SPTBN2: variants seen among roughly 807,000 people sequenced by gnomAD.
The protein encoded by SPTBN2 is spectrin beta, non-erythrocytic 2.
In SPTBN2, 107 loss-of-function variants were observed where a neutral mutation model predicts 284.2. That is an observed-to-expected ratio of 0.38 (90% CI 0.32 to 0.44). The LOEUF (loss-of-function observed/expected upper bound fraction) is 0.44, where lower values mean the gene tolerates loss of function less well. Among genes scored for constraint, SPTBN2 ranks in the 20% least tolerant of loss-of-function variants. The pLI is 1.00. For synonymous variants in SPTBN2, 1,289 were observed against 1,354.8 expected (o/e 0.95, Z 1.07); for missense variants, 2,569 against 3,287.1 (o/e 0.78, Z 5.34).
rs367688237 is a variant in SPTBN2, at chr11:66,689,086, G to C, written c.6034+10C>G. The C allele has an allele frequency of 1.5e-5, 24 of 1,602,792 alleles. No homozygotes were observed. The Admixed American group carries it at 2.5e-4, about 17-fold the overall frequency. On this transcript the variant is annotated intron_variant, in intron 30 of 37. Coordinates refer to ENST00000533211, the MANE Select transcript of SPTBN2 (RefSeq NM_006946.4). ...TCCCCACAGGGCCTGGGGCCCCCTT[G>C]GCAGCTCACCCAGCTGAAGCCAGTC... is the stretch of plus-strand genomic sequence containing the variant.
Position 66,707,818 on chromosome 11 carries a change from C to A in SPTBN2, c.1351G>T (p.Asp451Tyr), listed in dbSNP as rs766063073. The change falls in exon 13 of 38, where the codon GAC becomes TAC. Residue 451 changes from aspartate to tyrosine, a missense_variant and splice_region_variant. Transcript: ENST00000533211. This position sits in a 1 kb window ranked among gnomAD's most constrained non-coding sequence, Gnocchi z 4.9. ...LSENQRLVSQ[D>Y]NFGLELAAVE... ...GCTGCCAGCTCCAGCCCAAAGTTGT[C>A]CTGTGTCGGGGGCAGGGAGAGGAGG... is the stretch of plus-strand genomic sequence containing the variant. 6.2e-7 allele frequency: 1 copy of A among 1,608,580 alleles called. No individual in the cohort carries two copies. Among genetic ancestry groups the A allele is most frequent in the Non-Finnish European group, 8.5e-7 (1 of 1,179,900 alleles).
rs144914160 is a variant in SPTBN2, at chr11:66,686,860, T to C, written c.6896+134A>G. 8.6e-4 allele frequency: 1,028 copies of C among 1,194,644 alleles called. 1 individual carries two copies. Among genetic ancestry groups the C allele is most frequent in the Non-Finnish European group, 1.2e-3 (951 of 817,264 alleles). The allele number at this position is 1,194,644 out of a possible 1,614,324, so 74.0% of individuals were successfully genotyped here. ...ATCTCCGCCTCCCTCATCTACACTA[T>C]CCCCAAGTGGCTGGCCTGGTTACTC... On this transcript the variant is annotated intron_variant, in intron 36 of 37. Transcript: ENST00000533211.
intron 21 of SPTBN2, among the ~76,000 whole-genome samples, chr11:66,695,418 C>T (rs1940850085): frequency 6.6e-6 from 1 of 152,120 alleles, no homozygotes; most frequent in South Asian, 2.1e-4. Context: ...ACCACCACGC[C>T]CAGCTAATTT....
Position 66,708,781 on chromosome 11 carries a change from G to C in SPTBN2, c.1191+121C>G. 9.9e-6 allele frequency: 8 copies of C among 804,664 alleles called. No homozygotes were observed. In the South Asian group the frequency reaches 1.2e-4, roughly 12 times the overall value. 49.8% of individuals were successfully genotyped at this position (804,664 alleles called of 1,614,324 possible). A position where few individuals can be genotyped will look rare whatever the true frequency, so the allele number is the denominator to read the frequency against. ...GCTGGGCAGAGTGCTCGAGTTTCAA[G>C]TTGGGGCAGCAGATAGTAGAACTTG... On this transcript the variant is annotated intron_variant, in intron 11 of 37. Coordinates refer to ENST00000533211, the MANE Select transcript of SPTBN2 (RefSeq NM_006946.4). The surrounding 1 kb of genome is among the most constrained non-coding windows in gnomAD (Gnocchi z 4.4).
At chr11:66,721,320 C>A in intron 2 of SPTBN2, 30 bp downstream of exon 2, 2 of 1,574,002 alleles carry the variant, frequency 1.3e-6, no homozygotes, top group Non-Finnish European at 1.7e-6. Flanking sequence ...CCTCCACTCA[C>A]CACCGGGGCC....
At chr11:66,688,374 G>T in intron 31 of SPTBN2, 63 bp from the exon 32 acceptor site, 1 of 1,547,148 alleles carries the variant, frequency 6.5e-7, no homozygotes, top group Middle Eastern at 2.0e-4. Context: ...GGGAAACAGG[G>T]AGAGCTGAAA....
rs1308458908 is a variant in SPTBN2, at chr11:66,691,598, C to T, written c.5251G>A (p.Val1751Ile). The stretch of plus-strand genomic sequence containing the variant: ...TTGGCCAGCGCATTGGCGCTATCTA[C>T]GCGCTCCTGACCGATGGTGCTTGTG... ...RDTSTIGQER[V>I]DSANALANGL... Residue 1751 changes from valine (V) to isoleucine (I), a missense_variant, in exon 27 of 38, where the codon GTA (valine) becomes ATA (isoleucine). Physicochemically the swap from Val to Ile is conservative, Grantham distance 29. Coordinates refer to ENST00000533211, the MANE Select transcript of SPTBN2 (RefSeq NM_006946.4). This position sits in a 1 kb window ranked among gnomAD's most constrained non-coding sequence, Gnocchi z 8.0. 13 of 1,613,790 alleles carry T rather than the reference C, an allele frequency of 8.1e-6. No individual in the cohort carries two copies. The highest frequency in any genetic ancestry group is 5.5e-5 in the South Asian group (5 of 91,086).
chr11:66,713,506 A>G (rs1458521292), intron 8 of SPTBN2, 125 bp downstream of exon 8: 5 of 784,314 alleles, frequency 6.4e-6, no homozygotes, highest in Non-Finnish European at 2.3e-6. Flanking sequence ...CTCTTCCCCC[A>G]CCAAAGAAGC....
rs767617743 is a variant in SPTBN2, at chr11:66,693,807, G to A, written c.4558C>T (p.Leu1520=). 5 of 1,613,916 alleles carry A rather than the reference G, an allele frequency of 3.1e-6. No homozygotes were observed. The highest frequency in any genetic ancestry group is 2.2e-5 in the East Asian group (1 of 44,872). ...TTCATGAGAAGCTGGACGCTGGGCA[G>A]GTCCTTGCCATGCTCCATGGAGCTG... is the stretch of plus-strand genomic sequence containing the variant. ...MASSMEHGKD[L]PSVQLLMKKN... is the part of the protein sequence containing the mutation. The change falls in exon 23 of 38, where the codon CTG becomes TTG. Residue 1520 remains leucine (L), a synonymous_variant. Coordinates refer to ENST00000533211, the MANE Select transcript of SPTBN2 (RefSeq NM_006946.4). This position sits in a 1 kb window ranked among gnomAD's most constrained non-coding sequence, Gnocchi z 5.7.
chr11:66,701,001 G>T lies in SPTBN2; in HGVS notation c.3098C>A (p.Ala1033Glu). ...TCTCAGCCGGGCGTTGATGGCCACT[G>T]CCTGAGCGGGATGGCCGGCAGCCAG... ...NALAAGHPAQ[A>E]VAINARLREV... The change falls in exon 17 of 38, where the codon GCA (alanine) becomes GAA (glutamate). Residue 1033 changes from alanine (A) to glutamate (E), a missense_variant. Around this residue, in one of 6 missense-constraint regions of SPTBN2, gnomAD observed 1,012 missense variants for 1,248.9 expected, o/e 0.81. Coordinates refer to ENST00000533211, the MANE Select transcript of SPTBN2 (RefSeq NM_006946.4). 1.2e-6 allele frequency: 2 copies of T among 1,607,710 alleles called. No homozygotes were observed. Among genetic ancestry groups the T allele is most frequent in the Non-Finnish European group, 8.5e-7 (1 of 1,179,816 alleles).
rs755843338 is a variant in SPTBN2, at chr11:66,701,287, G to A, written c.2817-5C>T. 3.1e-6 allele frequency: 5 copies of A among 1,611,522 alleles called. No homozygotes were observed. The East Asian group carries it at 8.9e-5, about 29-fold the overall frequency. On this transcript the variant is annotated splice_region_variant and splice_polypyrimidine_tract_variant and intron_variant, in intron 16 of 37. Coordinates refer to ENST00000533211, the MANE Select transcript of SPTBN2 (RefSeq NM_006946.4). ...AGACGCCGAAACTGCTGCCACCTGA[G>A]AGCAGGGGGAAGGTTCAGCTTCCTG...
chr11:66,701,467 C>G (rs1941243810), intron 16 of SPTBN2, 117 bp downstream of exon 16: 1 of 1,571,640 alleles, frequency 6.4e-7, no homozygotes, highest in Non-Finnish European at 8.7e-7. Flanking sequence ...ATATTCCAGA[C>G]TGGTTTGCTT....
At position 66,714,438 on chromosome 11, in the gene SPTBN2, C is replaced by T. The variant is rs980546180; in HGVS notation, c.484-31G>A. Reference sequence around the variant, plus strand: ...AAGGAAGCAAGCAGGGCCCTCAGTCCCTGGACAGGAACTCCTGGTGTTATC... The same window carrying T: ...AAGGAAGCAAGCAGGGCCCTCAGTCTCTGGACAGGAACTCCTGGTGTTATC... On this transcript the variant is annotated intron_variant, in intron 5 of 37. Transcript: ENST00000533211. 3 of 1,572,104 alleles carry T rather than the reference C, an allele frequency of 1.9e-6. No homozygotes were observed. The East Asian group carries it at 6.7e-5, about 35-fold the overall frequency.
At chr11:66,742,865 C>T (rs553948498) in intron 1 of SPTBN2, among the ~76,000 whole-genome samples, 1 of 152,320 alleles carries the variant, frequency 6.6e-6, no homozygotes, top group South Asian at 2.1e-4. Context: ...CCACCTGGGC[C>T]TCCCAAAGTG....
At chr11:66,698,552 C>T in intron 20 of SPTBN2, 87 bp downstream of exon 20, 1 of 1,601,904 alleles carries the variant, frequency 6.2e-7, no homozygotes, top group East Asian at 2.2e-5. Context: ...CAATCTCTAA[C>T]CATGACAAAA....
Position 66,708,929 on chromosome 11 carries a change from C to A in SPTBN2, c.1164G>T (p.Glu388Asp). ...TGTTGATGTCCGAGATGAGCCGGCC[C>A]TCGCGGGGCGTGTAGACCTTCTGGT... ...ANNQKVYTPR[E>D]GRLISDINKA... The change falls in exon 11 of 38, where the codon GAG becomes GAT. Residue 388 changes from glutamate (E) to aspartate (D), a missense_variant. Physicochemically the swap from Glu to Asp is conservative, Grantham distance 45. This residue lies in a region of SPTBN2 where 304 missense variants were observed against 522.1 expected (regional missense o/e 0.58). Coordinates refer to ENST00000533211, the MANE Select transcript of SPTBN2 (RefSeq NM_006946.4). The surrounding 1 kb of genome is among the most constrained non-coding windows in gnomAD (Gnocchi z 4.4). 6.2e-7 allele frequency: 1 copy of A among 1,614,072 alleles called. No homozygotes were observed. The highest frequency in any genetic ancestry group is 1.1e-5 in the South Asian group (1 of 91,080).
chr11:66,686,366 A>G (rs1467047416), intron 37 of SPTBN2, 32 bp downstream of exon 37: 3 of 1,613,978 alleles, frequency 1.9e-6, no homozygotes, highest in Non-Finnish European at 2.5e-6. Flanking sequence ...CTGGAATGGC[A>G]CGGACAGAGA....
In SPTBN2 at chr11:66,691,182, C is replaced by T; in HGVS notation, c.5565+102G>A. On this transcript the variant is annotated intron_variant, in intron 27 of 37. Transcript: ENST00000533211. The surrounding 1 kb of genome is among the most constrained non-coding windows in gnomAD (Gnocchi z 8.0). The stretch of plus-strand genomic sequence containing the variant: ...ATGGCCCTCGAAAGAGTGCCGTCCT[C>T]CCAGCATTTCTGAGCTCTACCCTAG... 1 of 1,433,088 alleles carries T rather than the reference C, an allele frequency of 7.0e-7. No individual in the cohort carries two copies. The highest frequency in any genetic ancestry group is 9.2e-7 in the Non-Finnish European group (1 of 1,083,540). 88.8% of individuals were successfully genotyped at this position (1,433,088 alleles called of 1,614,324 possible). A position where few individuals can be genotyped will look rare whatever the true frequency, so the allele number is the denominator to read the frequency against.
rs1475399055 is a variant in SPTBN2 at position 66,710,905 on chromosome 11, C to T, written c.885+12G>A. ...TCCTCTGGCCTTTATGCCTACTGCC[C>T]ATGGACAGTACCTTGCCAATTCTCT... On this transcript the variant is annotated intron_variant, in intron 9 of 37. Coordinates refer to ENST00000533211, the MANE Select transcript of SPTBN2 (RefSeq NM_006946.4). The surrounding 1 kb of genome is among the most constrained non-coding windows in gnomAD (Gnocchi z 4.9). 18 of 1,613,710 alleles carry T rather than the reference C, an allele frequency of 1.1e-5. No homozygotes were observed. In the Admixed American group the frequency reaches 1.8e-4, roughly 16 times the overall value.
Sources: gnomAD v4.1 joint callset for allele counts (sites outside exome capture counted in the v4.1 genomes callset) on GRCh38, gnomAD v4.1.1 for gene constraint, gnomAD v4.1.1 regional missense constraint, Gnocchi (gnomAD v3.1) non-coding constraint, MANE v1.5 for transcripts, NCBI Gene and HGNC (gene_info 2026-07-23, HGNC 2026-07-21) for gene names.